C12orf75: variants seen among roughly 807,000 people sequenced by gnomAD.
C12orf75 encodes chromosome 12 open reading frame 75.
In C12orf75, 4 loss-of-function variants were observed where a neutral mutation model predicts 11.4. That is an observed-to-expected ratio of 0.35 (90% confidence interval 0.17 to 0.80). The LOEUF (loss-of-function observed/expected upper bound fraction) is 0.80, where lower values mean the gene tolerates loss of function less well. Ranked by LOEUF, C12orf75 falls within the 30% of genes least tolerant of loss-of-function variation. The pLI is 0.52. For synonymous variants in C12orf75, 30 were observed against 30.0 expected, an observed-to-expected ratio of 1.00 and a Z score of 0.00; for missense variants, 89 against 80.4, an observed-to-expected ratio of 1.11 and a Z score of -0.41.
In C12orf75 at chr12:105,362,213, C is replaced by T. The variant is rs557362928; in HGVS notation, c.72-3594C>T. 7.6e-3 allele frequency among the ~76,000 whole-genome samples: 1,154 copies of T among 151,578 alleles called. 16 individuals are homozygous for T. Among genetic ancestry groups the T allele is most frequent in the African/African-American group, 0.027 (1,097 of 41,274 alleles). ...CATCCTGGCTAAAACGGTGAAACCCCGTCTCTACTAAAAATACAAAAAATT... is the reference window on the plus strand; with the variant it reads ...CATCCTGGCTAAAACGGTGAAACCCTGTCTCTACTAAAAATACAAAAAATT... On this transcript the variant is annotated intron_variant, in intron 2 of 5. Coordinates refer to ENST00000443585, the MANE Select transcript of C12orf75 (RefSeq NM_001145199.2).
intron 2 of C12orf75, among the ~76,000 whole-genome samples, chr12:105,351,851 GT>G (rs989006442): frequency 2.0e-5 from 3 of 151,292 alleles, no homozygotes; most frequent in South Asian, 4.2e-4. Context: ...AATCGTGCTT[GT>G]TTTTTTTTAT....
At chr12:105,365,746 A>G (rs1040569604) in intron 2 of C12orf75, 61 bp from the exon 3 acceptor site, 2 of 1,231,608 alleles carry the variant, frequency 1.6e-6, no homozygotes, top group African/African-American at 1.5e-5. Context: ...TCTCATAACC[A>G]AAAATGAAGT....
At chr12:105,357,807 T>TGTGTGTGTGTGTGTGTGA (rs1491090986) in intron 2 of C12orf75, among the ~76,000 whole-genome samples, 68 of 122,956 alleles carry the variant, frequency 5.5e-4, no homozygotes, top group Non-Finnish European at 8.4e-4. Context: ...TGTGTGTGTG[T>TGTGTGTGTGTGTGTGTGA]GAGAGAGAGA....
intron 2 of C12orf75, among the ~76,000 whole-genome samples, chr12:105,362,704 G>A (rs1290439567): frequency 6.6e-6 from 1 of 152,026 alleles, no homozygotes; most frequent in African/African-American, 2.4e-5. Context: ...CTCCAGCTGC[G>A]GGAAGGTGCA....
Position 105,330,769 on chromosome 12 carries a change from G to C in C12orf75, c.-123G>C. The C allele has an allele frequency of 9.6e-7, 1 of 1,036,692 alleles. No homozygotes were observed. The highest frequency in any genetic ancestry group is 1.2e-6 in the Non-Finnish European group (1 of 822,584). The allele number at this position is 1,036,692 out of a possible 1,614,324, so 64.2% of individuals were successfully genotyped here. On this transcript the variant is annotated 5_prime_UTR_variant, in exon 1 of 6. Coordinates refer to ENST00000443585, the MANE Select transcript of C12orf75 (RefSeq NM_001145199.2). ...GGTGGGAGGGGGCGGCCCCCACTCG[G>C]TTCCTGGCCCCTCGCGGCCCCGTCA...
intron 1 of C12orf75, among the ~76,000 whole-genome samples, chr12:105,344,368 G>A (rs1015738765): frequency 6.6e-6 from 1 of 152,124 alleles, no homozygotes; most frequent in African/African-American, 2.4e-5. Flanking sequence ...TCACCGTTCT[G>A]CCATCCCTGA....
chr12:105,352,413 T>C (rs1038201475), intron 2 of C12orf75, among the ~76,000 whole-genome samples: 1 of 152,146 alleles, frequency 6.6e-6, no homozygotes, highest in Non-Finnish European at 1.5e-5. Flanking sequence ...ATTTTCAGAA[T>C]ATACTGTATT....
intron 1 of C12orf75, among the ~76,000 whole-genome samples, chr12:105,335,150 A>G (rs185324498): frequency 1.3e-5 from 2 of 152,338 alleles, no homozygotes; most frequent in East Asian, 1.9e-4. Context: ...TTATGTAACA[A>G]TAGTCCGAGG....
At chr12:105,339,363 G>A (rs1262831702) in intron 1 of C12orf75, among the ~76,000 whole-genome samples, 1 of 147,858 alleles carries the variant, frequency 6.8e-6, no homozygotes, top group African/African-American at 2.5e-5. Context: ...AATTTATGCT[G>A]AAAGAAGAGT....
chr12:105,340,932 A>G (rs1371345024), intron 1 of C12orf75, among the ~76,000 whole-genome samples: 1 of 152,144 alleles, frequency 6.6e-6, no homozygotes, highest in Non-Finnish European at 1.5e-5. Context: ...GAGGCATGGA[A>G]TGGGTGCTTC....
intron 1 of C12orf75, among the ~76,000 whole-genome samples, chr12:105,341,126 A>G (rs1374021308): frequency 6.6e-6 from 1 of 152,244 alleles, no homozygotes; most frequent in East Asian, 1.9e-4. Context: ...ACAAAATCAG[A>G]ATATAAGAAA....
At chr12:105,360,508 C>T (rs1024993017) in intron 2 of C12orf75, among the ~76,000 whole-genome samples, 2 of 152,288 alleles carry the variant, frequency 1.3e-5, no homozygotes, top group South Asian at 2.1e-4. Context: ...TGTGTGCCTA[C>T]GGTGATGTGT....
intron 3 of C12orf75, 100 bp downstream of exon 3, chr12:105,365,942 AG>A (rs1871458573): frequency 2.5e-6 from 2 of 815,436 alleles, no homozygotes; most frequent in Non-Finnish European, 4.2e-6. Flanking sequence ...AGATTCTGCC[AG>A]GAAAACTGTT....
intron 1 of C12orf75, among the ~76,000 whole-genome samples, chr12:105,344,971 C>CG (rs1051853480): frequency 8.0e-5 from 12 of 149,594 alleles, no homozygotes; most frequent in African/African-American, 2.5e-4. Flanking sequence ...TAAGCCCCCC[C>CG]CCAACCAATT....
intron 1 of C12orf75, among the ~76,000 whole-genome samples, chr12:105,338,071 C>T (rs1011758945): frequency 1.3e-5 from 2 of 152,206 alleles, no homozygotes; most frequent in African/African-American, 4.8e-5. Flanking sequence ...CCATGAGCCA[C>T]TTATAGCTCC....
At chr12:105,355,169 TTTTTCTTTTTC>T (rs1336709536) in intron 2 of C12orf75, among the ~76,000 whole-genome samples, 9 of 73,098 alleles carry the variant, frequency 1.2e-4, no homozygotes, top group South Asian at 5.3e-4. Flanking sequence ...TTTCTTTTTC[TTTTTCTTTTTC>T]TTTTTTTTTT....
At chr12:105,365,189 C>T (rs1294124715) in intron 2 of C12orf75, among the ~76,000 whole-genome samples, 1 of 151,992 alleles carries the variant, frequency 6.6e-6, no homozygotes, top group Non-Finnish European at 1.5e-5. Flanking sequence ...GTAGTGATCC[C>T]CTCTAAATGT....
chr12:105,336,226 G>C (rs184279130), intron 1 of C12orf75, among the ~76,000 whole-genome samples: 64 of 152,360 alleles, frequency 4.2e-4, no homozygotes, highest in Non-Finnish European at 9.0e-4. Flanking sequence ...TGGGAAGAAA[G>C]AATGGTTAGG....
intron 1 of C12orf75, among the ~76,000 whole-genome samples, chr12:105,344,097 G>A (rs1892606801): frequency 1.3e-5 from 2 of 152,166 alleles, no homozygotes; most frequent in Admixed American, 1.3e-4. Context: ...CCATAGCTTG[G>A]TGCAATCAAG....
Sources: gnomAD v4.1 joint callset for allele counts (sites outside exome capture counted in the v4.1 genomes callset) on GRCh38, gnomAD v4.1.1 for gene constraint, MANE v1.5 for transcripts, NCBI Gene and HGNC (gene_info 2026-07-23, HGNC 2026-07-21) for gene names.